The following PTPRD variants were observed in gnomAD, a reference collection of about 807,000 sequenced individuals.
The protein encoded by PTPRD is protein tyrosine phosphatase receptor type D, also known as receptor-type tyrosine-protein phosphatase delta.
Under a neutral mutation model 214.5 loss-of-function variants are expected in PTPRD, and 34 were observed. The ratio of observed to expected loss-of-function variants is 0.16; its 90% CI spans 0.12 to 0.21. PTPRD has a LOEUF of 0.21. Ranked by LOEUF, PTPRD falls within the 10% of genes least tolerant of loss-of-function variation. The pLI is 1.00. For missense variants in PTPRD, 2,545 were observed against 2,398.7 expected, an observed-to-expected ratio of 1.06 and a Z score of -1.27; for synonymous variants, 1,128 against 845.7, an observed-to-expected ratio of 1.33 and a Z score of -5.79.
intron 5 of PTPRD, among the ~76,000 whole-genome samples, chr9:9,797,738 C>CGG (rs368330953): frequency 2.4e-4 from 36 of 150,912 alleles, no homozygotes; most frequent in African/African-American, 3.4e-4. Flanking sequence ...CCCAGCTACT[C>CGG]GGGGGGGGCT....
At chr9:10,107,306 G>A (rs1437737637) in intron 3 of PTPRD, among the ~76,000 whole-genome samples, 2 of 152,020 alleles carry the variant, frequency 1.3e-5, no homozygotes, top group South Asian at 4.1e-4. Flanking sequence ...ACATTTGGGA[G>A]ATGTGAGGAA....
chr9:9,088,581 G>GAAAAAAAAAAAAAAAAAAAAAA (rs533619970), intron 10 of PTPRD, among the ~76,000 whole-genome samples: 2 of 33,032 alleles, frequency 6.1e-5, no homozygotes, highest in African/African-American at 1.9e-4. Flanking sequence ...CTTAGTCTCA[G>GAAAAAAAAAAAAAAAAAAAAAA]AAAAAAAAAA....
At chr9:10,214,556 C>A (rs1307761383) in intron 3 of PTPRD, among the ~76,000 whole-genome samples, 1 of 151,542 alleles carries the variant, frequency 6.6e-6, no homozygotes, top group African/African-American at 2.4e-5. Context: ...GAATACACAC[C>A]CGAGCTATTG....
chr9:9,027,879 G>C (rs775720504), intron 10 of PTPRD, among the ~76,000 whole-genome samples: 1 of 151,920 alleles, frequency 6.6e-6, no homozygotes, highest in African/African-American at 2.4e-5. Context: ...TCTACTAACA[G>C]TTCTTGTCAT....
At chr9:9,988,436 CA>C (rs1275863986) in intron 4 of PTPRD, among the ~76,000 whole-genome samples, 1 of 152,080 alleles carries the variant, frequency 6.6e-6, no homozygotes, top group Non-Finnish European at 1.5e-5. Flanking sequence ...GCATGCAGCT[CA>C]AACTGATTTC....
At chr9:8,870,523 G>T (rs151316779) in intron 11 of PTPRD, among the ~76,000 whole-genome samples, 5 of 152,048 alleles carry the variant, frequency 3.3e-5, no homozygotes, top group Admixed American at 6.6e-5. Flanking sequence ...AAATTCTTTT[G>T]GTTCACCACC....
chr9:10,092,537 A>G (rs2098442856), intron 3 of PTPRD, among the ~76,000 whole-genome samples: 1 of 151,540 alleles, frequency 6.6e-6, no homozygotes, highest in Non-Finnish European at 1.5e-5. Context: ...TGCAAATTTT[A>G]AATTTTGTAT....
intron 5 of PTPRD, among the ~76,000 whole-genome samples, chr9:9,873,353 G>A (rs1421099952): frequency 6.6e-6 from 1 of 151,860 alleles, no homozygotes; most frequent in East Asian, 1.9e-4. Context: ...GAATAATTAA[G>A]AATGAAATAA....
chr9:10,207,930 C>G (rs575932), intron 3 of PTPRD, among the ~76,000 whole-genome samples: 22,101 of 152,158 alleles, frequency 0.15, 1,974 homozygotes, highest in East Asian at 0.42. Context: ...CTACATTTAG[C>G]AGTGCATCAA....
chr9:10,208,902 C>G (rs1047162993), intron 3 of PTPRD, among the ~76,000 whole-genome samples: 1 of 152,046 alleles, frequency 6.6e-6, no homozygotes, highest in Non-Finnish European at 1.5e-5. Flanking sequence ...TTTATCCTAC[C>G]GGACCATTTA....
intron 2 of PTPRD, among the ~76,000 whole-genome samples, chr9:10,522,840 T>G (rs755726970): frequency 1.8e-4 from 28 of 151,974 alleles, no homozygotes; most frequent in Non-Finnish European, 3.2e-4. Context: ...AATAAAAAAT[T>G]AATGCATAAA....
chr9:10,512,018 GTATATATATATGTATATATATA>G (rs1461457293), intron 2 of PTPRD, among the ~76,000 whole-genome samples: 6 of 56,198 alleles, frequency 1.1e-4, no homozygotes, highest in Non-Finnish European at 1.9e-4. Flanking sequence ...ATACGTGTGT[GTATATATATATGTATATATATA>G]TATACACACA....
At chr9:9,214,528 A>G (rs1239978028) in intron 9 of PTPRD, among the ~76,000 whole-genome samples, 1 of 149,874 alleles carries the variant, frequency 6.7e-6, no homozygotes, top group Admixed American at 6.7e-5. Context: ...GGGGTGGGAG[A>G]GGGAAAGCTG....
At chr9:10,317,184 G>C (rs565831560) in intron 3 of PTPRD, among the ~76,000 whole-genome samples, 40 of 151,992 alleles carry the variant, frequency 2.6e-4, no homozygotes, top group Non-Finnish European at 5.0e-4. Context: ...ATTTTGTCAT[G>C]TACAGGTAAA....
At chr9:10,485,059 G>T (rs2099123892) in intron 2 of PTPRD, among the ~76,000 whole-genome samples, 2 of 151,674 alleles carry the variant, frequency 1.3e-5, no homozygotes, top group South Asian at 4.2e-4. Context: ...GGAGATAGAG[G>T]TCTAGTTTCA....
intron 7 of PTPRD, among the ~76,000 whole-genome samples, chr9:9,687,740 A>C (rs566642789): frequency 4.0e-5 from 6 of 151,882 alleles, no homozygotes; most frequent in African/African-American, 1.4e-4. Flanking sequence ...TATTGGTCTC[A>C]ATTGGTCAAA....
At chr9:9,795,311 T>C (rs7036682) in intron 5 of PTPRD, among the ~76,000 whole-genome samples, 49,490 of 151,966 alleles carry the variant, frequency 0.33, 8,649 homozygotes, top group East Asian at 0.61. Flanking sequence ...ACTATCCCAT[T>C]GTAGGGAAAG....
chr9:9,131,464 T>A lies in PTPRD; in HGVS notation c.-143+51840A>T, dbSNP rs191719418. On this transcript the variant is annotated intron_variant, in intron 10 of 45. Transcript: ENST00000381196. ...GCGGAGTTCAAATAATAATATCCCA[T>A]GGAACAGATTGTAGCAGTTCGCTAT... Among the ~76,000 whole-genome samples the A allele has an allele frequency of 2.6e-4, 40 of 152,264 alleles. No individual in the cohort carries two copies. The East Asian group carries it at 6.6e-3, about 25-fold the overall frequency.
rs569696239 is a variant in PTPRD at position 10,390,110 on chromosome 9, A to G, written c.-599-49093T>C. 2.0e-5 allele frequency among the ~76,000 whole-genome samples: 3 copies of G among 152,008 alleles called. No homozygotes were observed. The South Asian group carries it at 6.2e-4, about 31-fold the overall frequency. ...GGAGCAAATAAAGAAAATATTGTGT[A>G]CTGTAAGGACACATATACAGTACAG... On this transcript the variant is annotated intron_variant, in intron 2 of 45. Coordinates refer to ENST00000381196, the MANE Select transcript of PTPRD (RefSeq NM_002839.4).
Sources: gnomAD v4.1 joint callset for allele counts (sites outside exome capture counted in the v4.1 genomes callset) on GRCh38, gnomAD v4.1.1 for gene constraint, MANE v1.5 for transcripts, NCBI Gene and HGNC (gene_info 2026-07-23, HGNC 2026-07-21) for gene names.